SPRR2B: variants seen among roughly 807,000 people sequenced by gnomAD.
SPRR2B encodes the protein small proline-rich protein 2B.
SPRR2B carries 1 observed loss-of-function variant against 1.0 expected under a neutral mutation model. The observed-to-expected ratio is 1.01, with a 90% CI of 0.36 to 4.77. The LOEUF (loss-of-function observed/expected upper bound fraction) is 4.77, where lower values mean the gene tolerates loss of function less well. SPRR2B is among the 30% of genes most tolerant of loss of function. SPRR2B has a pLI of 0.16. For synonymous variants in SPRR2B, 27 were observed against 33.4 expected (o/e 0.81, Z 0.66); for missense variants, 53 against 88.7 (o/e 0.60, Z 1.62).
chr1:153,075,644 C>A (rs569640011), upstream of SPRR2B, among the ~76,000 whole-genome samples: 1 of 152,224 alleles, frequency 6.6e-6, no homozygotes, highest in Non-Finnish European at 1.5e-5. Flanking sequence ...ACAGAGAGTA[C>A]TCAAAATAGT....
At chr1:153,083,077 A>G in the SPRR2B span, among the ~76,000 whole-genome samples, 1 of 152,212 alleles carries the variant, frequency 6.6e-6, no homozygotes, top group African/African-American at 2.4e-5. Flanking sequence ...AAATAATTCT[A>G]TGTCAGCTTA....
At chr1:153,076,214 G>T (rs942731960), upstream of SPRR2B, among the ~76,000 whole-genome samples, 2 of 152,136 alleles carry the variant, frequency 1.3e-5, no homozygotes, top group Admixed American at 1.3e-4. Context: ...CTAAATCCTT[G>T]TAAGCAACTG....
the SPRR2B span, among the ~76,000 whole-genome samples, chr1:153,086,390 A>G: frequency 0.05 from 7,617 of 152,310 alleles, 256 homozygotes; most frequent in Middle Eastern, 0.11. Context: ...AATTTCAGTC[A>G]AAAGAGACAT....
chr1:153,076,733 A>C, the SPRR2B span, among the ~76,000 whole-genome samples: 1 of 152,240 alleles, frequency 6.6e-6, no homozygotes, highest in Non-Finnish European at 1.5e-5. Flanking sequence ...ATGTCAACAC[A>C]AAATAATGTG....
rs1654627354 is a variant in SPRR2B, at chr1:153,070,358, C to G, written c.*263G>C. ...TCTCTGATGGTTCCCAGGCACACAG[C>G]TGCAGCTCTTTCTGCTGAAGCTCTG... On this transcript the variant is annotated 3_prime_UTR_variant, in exon 2 of 2. Transcript: ENST00000368755. 1.6e-6 allele frequency: 1 copy of G among 619,418 alleles called. No homozygotes were observed. Among genetic ancestry groups the G allele is most frequent in the East Asian group, 2.8e-5 (1 of 35,596 alleles). The allele number at this position is 619,418 out of a possible 1,614,324, so 38.4% of individuals were successfully genotyped here.
At chr1:153,074,168 T>G (rs993894781), upstream of SPRR2B, among the ~76,000 whole-genome samples, 1 of 152,210 alleles carries the variant, frequency 6.6e-6, no homozygotes, top group African/African-American at 2.4e-5. Context: ...AAGAATATTT[T>G]AGTGAATTTA....
the SPRR2B span, among the ~76,000 whole-genome samples, chr1:153,077,465 T>A: frequency 6.6e-6 from 1 of 152,206 alleles, no homozygotes; most frequent in Non-Finnish European, 1.5e-5. Flanking sequence ...TTTTAGCTTG[T>A]AACTTCAATT....
upstream of SPRR2B, among the ~76,000 whole-genome samples, chr1:153,074,839 T>C (rs961228813): frequency 1.3e-5 from 2 of 152,210 alleles, no homozygotes; most frequent in African/African-American, 4.8e-5. Context: ...GTTAGTCAGA[T>C]AATGGTCTTT....
At chr1:153,077,651 G>A in the SPRR2B span, among the ~76,000 whole-genome samples, 1 of 145,524 alleles carries the variant, frequency 6.9e-6, no homozygotes, top group Non-Finnish European at 1.5e-5. Flanking sequence ...CAGTCTCACT[G>A]CATCACCCAG....
the SPRR2B span, among the ~76,000 whole-genome samples, chr1:153,085,220 G>A: frequency 6.6e-6 from 1 of 152,150 alleles, no homozygotes; most frequent in Admixed American, 6.5e-5. Context: ...TGGATAGGAA[G>A]GAAGATCACT....
chr1:153,085,840 G>C, the SPRR2B span, among the ~76,000 whole-genome samples: 9 of 152,172 alleles, frequency 5.9e-5, no homozygotes. Context: ...CCTCTCAGCA[G>C]AAACCGTACA....
chr1:153,085,535 A>G, the SPRR2B span, among the ~76,000 whole-genome samples: 2 of 152,238 alleles, frequency 1.3e-5, no homozygotes, highest in Non-Finnish European at 1.5e-5. Context: ...TATTTCATAA[A>G]GAAATCAAGT....
upstream of SPRR2B, among the ~76,000 whole-genome samples, chr1:153,074,994 T>C (rs1323949417): frequency 2.6e-5 from 4 of 152,194 alleles, no homozygotes; most frequent in African/African-American, 9.7e-5. Flanking sequence ...CCCATCCTCA[T>C]AGCACTGACA....
the SPRR2B span, among the ~76,000 whole-genome samples, chr1:153,081,825 C>CTTT: frequency 1.5e-5 from 2 of 137,008 alleles, no homozygotes; most frequent in Non-Finnish European, 3.2e-5. Flanking sequence ...CTTTTCTTTT[C>CTTT]TTTTTTTTTT....
At chr1:153,080,556 C>A in the SPRR2B span, among the ~76,000 whole-genome samples, 1 of 151,908 alleles carries the variant, frequency 6.6e-6, no homozygotes, top group African/African-American at 2.4e-5. Flanking sequence ...GGAAATTAAA[C>A]AACACACTCT....
chr1:153,072,359 T>C (rs1654685077), upstream of SPRR2B, among the ~76,000 whole-genome samples: 1 of 152,208 alleles, frequency 6.6e-6, no homozygotes, highest in African/African-American at 2.4e-5. Flanking sequence ...AGCCTTTTTA[T>C]TTATAGAAAT....
chr1:153,086,887 C>G, the SPRR2B span, among the ~76,000 whole-genome samples: 2 of 152,108 alleles, frequency 1.3e-5, no homozygotes, highest in South Asian at 4.1e-4. Flanking sequence ...ATTTCTCAAA[C>G]CACATTGGAA....
upstream of SPRR2B, among the ~76,000 whole-genome samples, chr1:153,072,554 G>A (rs1351756011): frequency 1.3e-5 from 2 of 152,126 alleles, no homozygotes; most frequent in African/African-American, 4.8e-5. Context: ...GAGTAGAGAA[G>A]GTCAGAGGAC....
chr1:153,074,120 T>C (rs1255474258), upstream of SPRR2B, among the ~76,000 whole-genome samples: 4 of 152,208 alleles, frequency 2.6e-5, no homozygotes, highest in African/African-American at 9.7e-5. Flanking sequence ...CTCTAGTAAA[T>C]ATTACTCTTT....
Sources: gnomAD v4.1 joint callset for allele counts (sites outside exome capture counted in the v4.1 genomes callset) on GRCh38, gnomAD v4.1.1 for gene constraint, MANE v1.5 for transcripts, NCBI Gene and HGNC (gene_info 2026-07-23, HGNC 2026-07-21) for gene names.